PLSCR2: variants seen among roughly 807,000 people sequenced by gnomAD.
PLSCR2 encodes the protein PL scramblase 2.
A neutral mutation model predicts 25.3 loss-of-function variants in PLSCR2; 18 were observed. The ratio of observed to expected loss-of-function variants is 0.71; its 90% CI spans 0.49 to 1.06. PLSCR2 has a LOEUF of 1.06. Ranked by LOEUF, PLSCR2 falls within the 50% of genes least tolerant of loss-of-function variation. The probability of loss-of-function intolerance (pLI) is 0.00; values close to 1 mark genes in which losing one functional copy is unlikely to be tolerated. For synonymous variants in PLSCR2, 88 were observed against 87.3 expected, an observed-to-expected ratio of 1.01 and a Z score of -0.04; for missense variants, 243 against 269.5, an observed-to-expected ratio of 0.90 and a Z score of 0.69.
intron 3 of PLSCR2, among the ~76,000 whole-genome samples, chr3:146,392,022 A>G (rs979709089): frequency 1.3e-5 from 2 of 151,974 alleles, no homozygotes; most frequent in African/African-American, 2.4e-5. Flanking sequence ...AAATATTCTG[A>G]GTATTTGTGT....
chr3:146,420,493 GTGT>G (rs2039112078), intron 2 of PLSCR2, among the ~76,000 whole-genome samples: 1 of 151,930 alleles, frequency 6.6e-6, no homozygotes, highest in Non-Finnish European at 1.5e-5. Flanking sequence ...AAGTAACGCT[GTGT>G]TGATTTTTTT....
chr3:146,410,141 G>T (rs575253237), intron 2 of PLSCR2, among the ~76,000 whole-genome samples: 5 of 151,676 alleles, frequency 3.3e-5, no homozygotes, highest in Middle Eastern at 3.4e-3. Flanking sequence ...TCTTGGAGAC[G>T]CTGAACTTGC....
chr3:146,484,751 A>G (rs1396963799), intron 1 of PLSCR2, among the ~76,000 whole-genome samples: 1 of 152,056 alleles, frequency 6.6e-6, no homozygotes, highest in Non-Finnish European at 1.5e-5. Context: ...GAGGGCTATC[A>G]TTTCCACCAG....
upstream of PLSCR2, among the ~76,000 whole-genome samples, chr3:146,464,570 C>A (rs550844340): frequency 6.6e-6 from 1 of 152,088 alleles, no homozygotes; most frequent in Non-Finnish European, 1.5e-5. Context: ...TTATGCTGTA[C>A]TAAAACAAAG....
intron 1 of PLSCR2, among the ~76,000 whole-genome samples, chr3:146,482,722 C>T (rs1020570224): frequency 1.3e-5 from 2 of 152,196 alleles, no homozygotes; most frequent in African/African-American, 4.8e-5. Context: ...CATCCCATTA[C>T]TGGGTATATA....
At chr3:146,452,763 T>G (rs977865163) in intron 5 of PLSCR2, among the ~76,000 whole-genome samples, 1 of 152,182 alleles carries the variant, frequency 6.6e-6, no homozygotes, top group East Asian at 1.9e-4. Flanking sequence ...CTTTTATTAA[T>G]ATCATTCCTA....
At chr3:146,429,618 G>A (rs984077969), downstream of PLSCR2, among the ~76,000 whole-genome samples, 1 of 151,224 alleles carries the variant, frequency 6.6e-6, no homozygotes. Context: ...ACTTAAAATT[G>A]GAATTTATTT....
At chr3:146,408,709 G>A (rs565833650) in intron 2 of PLSCR2, among the ~76,000 whole-genome samples, 16 of 152,186 alleles carry the variant, frequency 1.1e-4, no homozygotes, top group South Asian at 6.2e-4. Flanking sequence ...GTGTAAATCC[G>A]ATAAGCCTCC....
rs79084323 is a variant in PLSCR2, at chr3:146,397,076, C to T, written c.101-1155G>A. Among the ~76,000 whole-genome samples, 15 of 152,122 alleles carry T rather than the reference C, an allele frequency of 9.9e-5. No homozygotes were observed. In the East Asian group the frequency reaches 2.5e-3, roughly 25 times the overall value. On this transcript the variant is annotated intron_variant and NMD_transcript_variant, in intron 2 of 3. Transcript: ENST00000463633. ...CTTAGTCCCATACCAAATAAGAAAC[C>T]GGGTTCATCAAGTATTCAGCCTCTG...
chr3:146,483,509 A>ATACACGTGTATATATATATATAT (rs1553791539), intron 1 of PLSCR2, among the ~76,000 whole-genome samples: 1 of 127,074 alleles, frequency 7.9e-6, no homozygotes, highest in Non-Finnish European at 1.7e-5. Flanking sequence ...ATATATATAT[A>ATACACGTGTATATATATATATAT]ATGTTACTAC....
chr3:146,442,390 A>C (rs1351106334), intron 6 of PLSCR2, among the ~76,000 whole-genome samples: 3 of 152,072 alleles, frequency 2.0e-5, no homozygotes, highest in African/African-American at 7.2e-5. Context: ...TACTACTGAA[A>C]GGGAACTACA....
chr3:146,438,321 G>T (rs1194957113), downstream of PLSCR2, among the ~76,000 whole-genome samples: 1 of 152,082 alleles, frequency 6.6e-6, no homozygotes, highest in Non-Finnish European at 1.5e-5. Flanking sequence ...TCAATTCCTG[G>T]ACATCTTTGT....
At chr3:146,448,083 C>T (rs957240075) in intron 6 of PLSCR2, among the ~76,000 whole-genome samples, 1 of 152,140 alleles carries the variant, frequency 6.6e-6, no homozygotes. Flanking sequence ...TTAGGTGATT[C>T]AAGACTGTCT....
At chr3:146,404,887 T>C (rs959470307) in intron 2 of PLSCR2, among the ~76,000 whole-genome samples, 1 of 150,414 alleles carries the variant, frequency 6.6e-6, no homozygotes. Context: ...TAACATTAAG[T>C]CTTAAAGCTG....
chr3:146,403,411 G>C (rs942698774), intron 2 of PLSCR2, among the ~76,000 whole-genome samples: 39 of 152,112 alleles, frequency 2.6e-4, no homozygotes, highest in Non-Finnish European at 4.4e-4. Flanking sequence ...ATCAACAATG[G>C]GTCTGTAATG....
At chr3:146,435,104 T>C (rs1352750695) in intron 8 of PLSCR2, among the ~76,000 whole-genome samples, 2 of 152,092 alleles carry the variant, frequency 1.3e-5, no homozygotes, top group Non-Finnish European at 2.9e-5. Flanking sequence ...CATGAACTCA[T>C]CATTTTTTAT....
chr3:146,463,901 C>T (rs2041741657), upstream of PLSCR2: 4 of 973,526 alleles, frequency 4.1e-6, no homozygotes, highest in Non-Finnish European at 4.9e-6. Context: ...TATAGTGAAA[C>T]TCTTAAGAAT....
At chr3:146,400,412 A>G in intron 2 of PLSCR2, among the ~76,000 whole-genome samples, 1 of 151,584 alleles carries the variant, frequency 6.6e-6, no homozygotes, top group Non-Finnish European at 1.5e-5. Flanking sequence ...TAAAATAATT[A>G]AATTTATTTG....
intron 2 of PLSCR2, among the ~76,000 whole-genome samples, chr3:146,408,315 C>T (rs1006051874): frequency 1.3e-5 from 2 of 152,062 alleles, no homozygotes; most frequent in African/African-American, 2.4e-5. Context: ...ACAGGTGAAA[C>T]GGCTTTGAGA....
Sources: allele counts gnomAD v4.1 joint callset (sites outside exome capture counted in the v4.1 genomes callset), GRCh38; gene constraint gnomAD v4.1.1; transcripts MANE v1.5; gene names NCBI Gene and HGNC (gene_info 2026-07-23, HGNC 2026-07-21).